Variants in THSD7B observed in about 807,000 individuals in gnomAD.
The protein encoded by THSD7B is thrombospondin type-1 domain-containing protein 7B.
Under a neutral mutation model 213.6 loss-of-function variants are expected in THSD7B, and 138 were observed. The observed-to-expected ratio is 0.65, with a 90% CI of 0.56 to 0.74. The LOEUF (loss-of-function observed/expected upper bound fraction) is 0.74. THSD7B is among the 30% of genes least tolerant of loss of function. The probability of loss-of-function intolerance (pLI) is 0.00; values close to 1 mark genes in which losing one functional copy is unlikely to be tolerated. For missense variants in THSD7B, 1,931 were observed against 1,991.5 expected (o/e 0.97, Z 0.58); for synonymous variants, 742 against 687.0 (o/e 1.08, Z -1.25).
chr2:136,810,668 C>T (rs1682360115), intron 1 of THSD7B, among the ~76,000 whole-genome samples: 1 of 152,194 alleles, frequency 6.6e-6, no homozygotes, highest in Non-Finnish European at 1.5e-5. Flanking sequence ...GGGCTCTGCA[C>T]ATGAAAGTTC....
chr2:137,177,671 T>G (rs1680384124), intron 7 of THSD7B, among the ~76,000 whole-genome samples: 1 of 152,164 alleles, frequency 6.6e-6, no homozygotes, highest in Admixed American at 6.5e-5. Context: ...AAAAACACAG[T>G]TGTAAGCCAA....
intron 15 of THSD7B, among the ~76,000 whole-genome samples, chr2:137,505,196 G>A (rs1334403741): frequency 1.3e-5 from 2 of 152,142 alleles, no homozygotes; most frequent in Non-Finnish European, 2.9e-5. Flanking sequence ...TCACAGGCTG[G>A]GAGCAACCCA....
chr2:136,975,480 A>C (rs576729025), intron 2 of THSD7B, among the ~76,000 whole-genome samples: 2 of 152,138 alleles, frequency 1.3e-5, no homozygotes, highest in Non-Finnish European at 2.9e-5. Context: ...TGGTTTATCA[A>C]AGATAAGATG....
chr2:137,358,713 G>C (rs906858421), intron 12 of THSD7B, among the ~76,000 whole-genome samples: 9 of 152,134 alleles, frequency 5.9e-5, no homozygotes, highest in African/African-American at 2.2e-4. Context: ...AGTCTCTTGA[G>C]GTCAGATGCC....
chr2:137,281,193 A>G (rs1343164649), intron 12 of THSD7B, among the ~76,000 whole-genome samples: 1 of 151,976 alleles, frequency 6.6e-6, no homozygotes, highest in Non-Finnish European at 1.5e-5. Flanking sequence ...GTTCTTCTTT[A>G]ATTAGTTTTT....
chr2:137,039,241 G>A (rs1015770696), intron 2 of THSD7B, among the ~76,000 whole-genome samples: 1 of 152,184 alleles, frequency 6.6e-6, no homozygotes, highest in Non-Finnish European at 1.5e-5. Flanking sequence ...TTACTGCTGA[G>A]ATCCTGGATA....
In THSD7B at chr2:136,887,300, T is replaced by TTGTGTGTGTGTG. The variant is rs3084772; in HGVS notation, c.139+5002_139+5013dup. Among the ~76,000 whole-genome samples, 488 of 148,574 alleles carry TTGTGTGTGTGTG rather than the reference T, an allele frequency of 3.3e-3. 5 individuals are homozygous for TTGTGTGTGTGTG. Among genetic ancestry groups the TTGTGTGTGTGTG allele is most frequent in the East Asian group, 0.02 (98 of 4,922 alleles). On this transcript the variant is annotated intron_variant, in intron 2 of 27. Coordinates refer to ENST00000409968, the MANE Select transcript of THSD7B (RefSeq NM_001316349.2). The stretch of plus-strand genomic sequence containing the variant: ...GAAATAGAAGAAAACTCCATATTTG[T>TTGTGTGTGTGTG]TGTGTGTGTGTGTGTGTGTGTGTGT...
At chr2:137,156,816 G>C (rs1679920040) in intron 5 of THSD7B, among the ~76,000 whole-genome samples, 1 of 152,132 alleles carries the variant, frequency 6.6e-6, no homozygotes, top group South Asian at 2.1e-4. Flanking sequence ...CCTGAGAGTT[G>C]CTCCGGTTGA....
Position 136,877,932 on chromosome 2 carries a change from T to A in THSD7B, c.-35-4212T>A, listed in dbSNP as rs534356321. The stretch of plus-strand genomic sequence containing the variant: ...ATAGCCATTTCTTTTCTTGTTTTTT[T>A]AATTATACTTTAAGTTTTAGGGTAC... On this transcript the variant is annotated intron_variant, in intron 1 of 27. Coordinates refer to ENST00000409968, the MANE Select transcript of THSD7B (RefSeq NM_001316349.2). 3.8e-4 allele frequency among the ~76,000 whole-genome samples: 58 copies of A among 152,156 alleles called. 1 individual carries two copies. Among genetic ancestry groups the A allele is most frequent in the South Asian group, 1.5e-3 (7 of 4,806 alleles).
chr2:137,300,950 G>A (rs1002326507), intron 12 of THSD7B, among the ~76,000 whole-genome samples: 2 of 152,068 alleles, frequency 1.3e-5, no homozygotes, highest in African/African-American at 4.8e-5. Context: ...CTTTGGTGCT[G>A]GCATGATGAG....
rs1339217444 is a variant in THSD7B at position 137,013,798 on chromosome 2, C to G, written c.140-42622C>G. 3.3e-5 allele frequency among the ~76,000 whole-genome samples: 5 copies of G among 152,262 alleles called. No homozygotes were observed. In the East Asian group the frequency reaches 9.7e-4, roughly 29 times the overall value. On this transcript the variant is annotated intron_variant, in intron 2 of 27. Coordinates refer to ENST00000409968, the MANE Select transcript of THSD7B (RefSeq NM_001316349.2). ...GTGACCTGCCTCCTCTGGGGCAGAA[C>G]TGGGCCTACCAGGTGACTTCCTAGG...
chr2:137,027,949 A>G (rs1686585004), intron 2 of THSD7B, among the ~76,000 whole-genome samples: 1 of 152,160 alleles, frequency 6.6e-6, no homozygotes, highest in Non-Finnish European at 1.5e-5. Context: ...AAATTAATTA[A>G]TGTACATATA....
At chr2:137,180,678 C>T (rs1680437260) in intron 7 of THSD7B, among the ~76,000 whole-genome samples, 1 of 152,146 alleles carries the variant, frequency 6.6e-6, no homozygotes, top group African/African-American at 2.4e-5. Context: ...TTTAAAGTCA[C>T]TAAACTAGTA....
At chr2:137,572,199 C>T (rs1041346007) in intron 16 of THSD7B, among the ~76,000 whole-genome samples, 2 of 152,182 alleles carry the variant, frequency 1.3e-5, no homozygotes, top group African/African-American at 4.8e-5. Context: ...ATTGTTCTCC[C>T]TTGCCCTGAT....
chr2:137,557,066 G>C (rs1372490670), intron 15 of THSD7B, among the ~76,000 whole-genome samples: 1 of 152,126 alleles, frequency 6.6e-6, no homozygotes, highest in Non-Finnish European at 1.5e-5. Context: ...CCTACAAAGA[G>C]ACTTAGACTC....
At chr2:137,291,668 T>A (rs898403662) in intron 12 of THSD7B, among the ~76,000 whole-genome samples, 8 of 152,172 alleles carry the variant, frequency 5.3e-5, no homozygotes, top group African/African-American at 1.7e-4. Flanking sequence ...GAGTTTAATC[T>A]CCTAGAGAGT....
At chr2:137,166,161 G>A (rs1038888610) in intron 6 of THSD7B, among the ~76,000 whole-genome samples, 17 of 152,178 alleles carry the variant, frequency 1.1e-4, no homozygotes, top group South Asian at 2.1e-4. Flanking sequence ...CTTCCATCGC[G>A]TCATGACAGG....
chr2:137,662,214 C>T (rs1278311069), intron 25 of THSD7B, among the ~76,000 whole-genome samples: 26 of 149,878 alleles, frequency 1.7e-4, no homozygotes, highest in African/African-American at 6.4e-4. Context: ...AGATGCCCGC[C>T]ACGACGCCCG....
At chr2:137,170,367 A>G (rs191067178) in intron 6 of THSD7B, among the ~76,000 whole-genome samples, 1 of 152,196 alleles carries the variant, frequency 6.6e-6, no homozygotes, top group Non-Finnish European at 1.5e-5. Flanking sequence ...CGTAACAAGA[A>G]TGTCAAAATC....
Sources: gnomAD v4.1 joint callset for allele counts (sites outside exome capture counted in the v4.1 genomes callset) on GRCh38, gnomAD v4.1.1 for gene constraint, MANE v1.5 for transcripts, NCBI Gene and HGNC (gene_info 2026-07-23, HGNC 2026-07-21) for gene names.